The following SLC15A1 variants were observed in gnomAD, a reference collection of about 807,000 sequenced individuals.
The protein encoded by SLC15A1 is Caco-2 oligopeptide transporter.
SLC15A1 carries 83 observed loss-of-function variants against 92.9 expected under a neutral mutation model. The observed-to-expected ratio is 0.89, with a 90% CI of 0.75 to 1.07. The LOEUF (loss-of-function observed/expected upper bound fraction) is 1.07. SLC15A1 is among the 50% of genes least tolerant of loss of function. The pLI is 0.00. For missense variants in SLC15A1, 857 were observed against 880.1 expected, an observed-to-expected ratio of 0.97 and a Z score of 0.33; for synonymous variants, 322 against 318.2, an observed-to-expected ratio of 1.01 and a Z score of -0.13.
rs2087946620 is a variant in SLC15A1, at chr13:98,688,245, A to C, written c.1683+3T>G. 1 of 1,590,160 alleles carries C rather than the reference A, an allele frequency of 6.3e-7. No homozygotes were observed. The highest frequency in any genetic ancestry group is 1.7e-5 in the Admixed American group (1 of 58,666). On this transcript the variant is annotated splice_donor_region_variant and intron_variant, in intron 20 of 22. Transcript: ENST00000376503. ...TTCTGATACAATGAAACGAGTTACT[A>C]ACCTTCCTTTGGACTATATAGGTAT...
At chr13:98,687,980 T>C (rs1191093120) in intron 20 of SLC15A1, among the ~76,000 whole-genome samples, 1 of 152,192 alleles carries the variant, frequency 6.6e-6, no homozygotes, top group East Asian at 1.9e-4. Context: ...GAACTATGAG[T>C]TCTTTAAGTC....
chr13:98,750,429 A>AT (rs1438198494), intron 1 of SLC15A1, among the ~76,000 whole-genome samples: 1 of 152,098 alleles, frequency 6.6e-6, no homozygotes, highest in East Asian at 1.9e-4. Context: ...ACTTCTATTT[A>AT]TTCTGTTAAC....
intron 9 of SLC15A1, 29 bp downstream of exon 9, chr13:98,715,849 C>A (rs2139586630): frequency 2.5e-6 from 4 of 1,591,458 alleles, no homozygotes; most frequent in Non-Finnish European, 3.4e-6. Context: ...GGTTAAATAG[C>A]CTTGAGAAAG....
rs1593976256 is a variant in SLC15A1 at position 98,686,232 on chromosome 13, G to A, written c.1893C>T (p.Ile631=). Residue 631 remains isoleucine, a synonymous_variant, in exon 22 of 23, where the codon ATC becomes ATT. Transcript: ENST00000376503. The part of the protein sequence containing the change: ...GWLLTVAVGN[I]IVLIVAGAGQ... ...CTGCCCCTGCCACGATGAGCACAATGATGTTGCCAACAGCCACGGTCAGCA... is the reference window on the plus strand; with the variant it reads ...CTGCCCCTGCCACGATGAGCACAATAATGTTGCCAACAGCCACGGTCAGCA... 2.5e-6 allele frequency: 4 copies of A among 1,613,908 alleles called. No homozygotes were observed. Among genetic ancestry groups the A allele is most frequent in the Non-Finnish European group, 3.4e-6 (4 of 1,179,972 alleles).
Position 98,702,523 on chromosome 13 carries a change from C to T in SLC15A1, c.1423G>A (p.Asp475Asn), listed in dbSNP as rs758415785. The T allele has an allele frequency of 1.1e-5, 17 of 1,603,914 alleles. No homozygotes were observed. The South Asian group carries it at 1.7e-4, about 16-fold the overall frequency. ...TTTTCTGGCTTCTGGTTAAGACCAT[C>T]CTTTACCTGAGAGAGAAAACAGTAA... ...WAPNHYQVVKDGLNQKPEKGE... is the reference protein window; with the variant it reads ...WAPNHYQVVKNGLNQKPEKGE... The change falls in exon 18 of 23, where the codon GAT becomes AAT. Residue 475 changes from aspartate to asparagine, a missense_variant. Transcript: ENST00000376503.
In SLC15A1 at chr13:98,721,193, T is replaced by C. The variant is rs1301400083; in HGVS notation, c.556+302A>G. The C allele has an allele frequency of 8.9e-6, 5 of 560,914 alleles. No homozygotes were observed. The African/African-American group carries it at 9.4e-5, about 10-fold the overall frequency. The allele number at this position is 560,914 out of a possible 1,614,324, so 34.7% of individuals were successfully genotyped here. A position where few individuals can be genotyped will look rare whatever the true frequency, so the allele number is the denominator to read the frequency against. On this transcript the variant is annotated intron_variant, in intron 7 of 22. Transcript: ENST00000376503. ...CAGCTTGGCTTCCAAGGCACCTCTCTTGCCTCTTACCTCTTACCACGAGCA... is the reference window on the plus strand; with the variant it reads ...CAGCTTGGCTTCCAAGGCACCTCTCCTGCCTCTTACCTCTTACCACGAGCA...
chr13:98,724,694 C>T (rs555545679), intron 4 of SLC15A1, among the ~76,000 whole-genome samples: 36 of 151,992 alleles, frequency 2.4e-4, no homozygotes, highest in Admixed American at 1.2e-3. Flanking sequence ...AGGATGGTCT[C>T]GATCTCCTGA....
intron 1 of SLC15A1, among the ~76,000 whole-genome samples, chr13:98,744,440 C>T (rs1280769701): frequency 2.6e-5 from 4 of 151,214 alleles, no homozygotes; most frequent in African/African-American, 9.7e-5. Flanking sequence ...AAGTTTTCTG[C>T]CCACATGATA....
intron 13 of SLC15A1, 39 bp downstream of exon 13, chr13:98,709,703 A>T (rs2088145482): frequency 6.2e-7 from 1 of 1,614,060 alleles, no homozygotes; most frequent in Non-Finnish European, 8.5e-7. Context: ...TGTCTCAAAG[A>T]CGACTCTGAT....
intron 1 of SLC15A1, among the ~76,000 whole-genome samples, chr13:98,732,142 C>T (rs1386463059): frequency 6.6e-6 from 1 of 152,264 alleles, no homozygotes; most frequent in Non-Finnish European, 1.5e-5. Context: ...AGTATCAACT[C>T]TCACAAGATT....
chr13:98,734,850 C>T lies in SLC15A1; in HGVS notation c.5-7991G>A, dbSNP rs571578883. Among the ~76,000 whole-genome samples, 3 of 152,134 alleles carry T rather than the reference C, an allele frequency of 2.0e-5. No individual in the cohort carries two copies. In the South Asian group the frequency reaches 6.2e-4, roughly 32 times the overall value. ...TGAAATTGAGGCAATAATTAATAGC[C>T]TACAAACCAAAAAAAGTCCAGGACC... On this transcript the variant is annotated intron_variant, in intron 1 of 22. Coordinates refer to ENST00000376503, the MANE Select transcript of SLC15A1 (RefSeq NM_005073.4).
intron 15 of SLC15A1, 73 bp downstream of exon 15, chr13:98,708,613 G>A (rs1266916360): frequency 1.5e-6 from 2 of 1,347,710 alleles, no homozygotes; most frequent in African/African-American, 1.5e-5. Flanking sequence ...CCTTCATGCT[G>A]AAGAAAGAAG....
intron 1 of SLC15A1, among the ~76,000 whole-genome samples, chr13:98,736,310 CCCTT>C (rs1424920430): frequency 2.0e-5 from 3 of 152,182 alleles, no homozygotes; most frequent in Non-Finnish European, 1.5e-5. Context: ...GAAACTGGAT[CCCTT>C]CCTTACACCT....
At position 98,688,288 on chromosome 13, in the gene SLC15A1, A is replaced by T. The variant is rs145351711; in HGVS notation, c.1643T>A (p.Leu548His). ...QCQPNFNTFY[L>H]EFGSAYTYIV... The stretch of plus-strand genomic sequence containing the variant: ...ATAGGTATAAGCACTACCAAATTCA[A>T]GGTAGAAAGTATTGAAATTAGGTTG... Residue 548 changes from leucine (L) to histidine (H), a missense_variant, in exon 20 of 23, where the codon CTT (leucine) becomes CAT (histidine). Transcript: ENST00000376503. 6.1e-4 allele frequency: 980 copies of T among 1,613,828 alleles called. 1 individual carries two copies. Among genetic ancestry groups the T allele is most frequent in the Non-Finnish European group, 8.0e-4 (946 of 1,179,860 alleles).
intron 4 of SLC15A1, among the ~76,000 whole-genome samples, chr13:98,724,428 C>T (rs1393233313): frequency 6.6e-6 from 1 of 152,130 alleles, no homozygotes; most frequent in Non-Finnish European, 1.5e-5. Context: ...CACTTGAGTC[C>T]AGGAGGTTGA....
Position 98,684,545 on chromosome 13 carries a change from C to CA in SLC15A1, c.*178dup, listed in dbSNP as rs4646233. 0.063 allele frequency: 12,075 copies of CA among 191,778 alleles called. 95 individuals carry two copies. Among genetic ancestry groups the CA allele is most frequent in the African/African-American group, 0.074 (1,608 of 21,600 alleles). The allele number at this position is 191,778 out of a possible 1,614,324, so 11.9% of individuals were successfully genotyped here. A position where few individuals can be genotyped will look rare whatever the true frequency, so the allele number is the denominator to read the frequency against. ...GGACAACAAGAGCAAAACTCTGTCT[C>CA]AAAAAAAAAAAAAAAAAAAAAAAGA... On this transcript the variant is annotated 3_prime_UTR_variant, in exon 23 of 23. Transcript: ENST00000376503.
chr13:98,721,228 A>T (rs754833737), intron 7 of SLC15A1: 120 of 606,330 alleles, frequency 2.0e-4, no homozygotes, highest in South Asian at 1.8e-3. Context: ...ATGACTTTGC[A>T]TGAATAACAG....
chr13:98,751,840 G>C (rs897604776), intron 1 of SLC15A1, among the ~76,000 whole-genome samples: 8 of 152,222 alleles, frequency 5.3e-5, no homozygotes, highest in African/African-American at 1.9e-4. Flanking sequence ...TGCTGGCCGG[G>C]GGCATCCATG....
At chr13:98,720,802 G>A in intron 7 of SLC15A1, 1 of 291,404 alleles carries the variant, frequency 3.4e-6, no homozygotes, top group Non-Finnish European at 6.7e-6. Context: ...TGTAATCCCA[G>A]CACTTTGGGA....
Sources: allele counts gnomAD v4.1 joint callset (sites outside exome capture counted in the v4.1 genomes callset), GRCh38; gene constraint gnomAD v4.1.1; transcripts MANE v1.5; gene names NCBI Gene and HGNC (gene_info 2026-07-23, HGNC 2026-07-21).